The following IPP variants were observed in gnomAD, a reference collection of about 807,000 sequenced individuals.
The protein encoded by IPP is intracisternal A particle-promoted polypeptide, also known as actin-binding protein IPP.
In IPP, 41 loss-of-function variants were observed where a neutral mutation model predicts 64.1. That is an observed-to-expected ratio of 0.64 (90% CI 0.50 to 0.83). The LOEUF (loss-of-function observed/expected upper bound fraction) is 0.83. IPP is among the 40% of genes least tolerant of loss of function. IPP has a pLI of 0.00. For synonymous variants in IPP, 214 were observed against 235.2 expected (o/e 0.91, Z 0.83); for missense variants, 649 against 703.0 (o/e 0.92, Z 0.87).
In IPP at chr1:45,740,952, G is replaced by A; in HGVS notation, c.673C>T (p.Pro225Ser). The change falls in exon 3 of 9, where the codon CCA (proline) becomes TCA (serine). Residue 225 changes from proline to serine, a missense_variant. By Grantham distance (74) the Pro-to-Ser change is moderately conservative. Transcript: ENST00000396478. ...RRKHVVEVLD[P>S]IRFPLLPPQR... ...GGAGGTAATAAAGGGAATCGAATTG[G>A]GTCTAGCACTTCCACCACATGTTTT... 1.9e-6 allele frequency: 3 copies of A among 1,612,946 alleles called. No individual in the cohort carries two copies. The highest frequency in any genetic ancestry group is 2.5e-6 in the Non-Finnish European group (3 of 1,179,636).
At chr1:45,705,273 A>C (rs1645500874) in intron 8 of IPP, among the ~76,000 whole-genome samples, 1 of 152,256 alleles carries the variant, frequency 6.6e-6, no homozygotes, top group Non-Finnish European at 1.5e-5. Flanking sequence ...ACTGTCCTTC[A>C]CCAAAAGGAA....
intron 3 of IPP, among the ~76,000 whole-genome samples, chr1:45,739,740 T>G (rs373016853): frequency 6.6e-6 from 1 of 152,128 alleles, no homozygotes; most frequent in South Asian, 2.1e-4. Context: ...ATTTACAGGA[T>G]TCATTGAATT....
At chr1:45,740,435 G>A (rs574231658) in intron 3 of IPP, among the ~76,000 whole-genome samples, 11 of 152,190 alleles carry the variant, frequency 7.2e-5, no homozygotes, top group African/African-American at 2.4e-4. Flanking sequence ...GGACGGGGCG[G>A]CTGGCCGGGC....
intron 3 of IPP, among the ~76,000 whole-genome samples, chr1:45,735,619 C>CTT (rs1435572421): frequency 1.6e-5 from 2 of 129,018 alleles, no homozygotes; most frequent in Non-Finnish European, 1.6e-5. Context: ...CCAGACCTGG[C>CTT]TATTTTTTTT....
intron 3 of IPP, among the ~76,000 whole-genome samples, chr1:45,732,811 C>G (rs1464914186): frequency 6.6e-6 from 1 of 151,904 alleles, no homozygotes; most frequent in East Asian, 1.9e-4. Context: ...GGACTACAGG[C>G]ACCCACCCCC....
chr1:45,740,500 G>A (rs959673491), intron 3 of IPP, among the ~76,000 whole-genome samples: 1 of 152,118 alleles, frequency 6.6e-6, no homozygotes, highest in Admixed American at 6.5e-5. Context: ...CGGGCGGGGG[G>A]CTGACCCCCC....
At chr1:45,741,785 C>CAT (rs1646070490) in intron 2 of IPP, among the ~76,000 whole-genome samples, 1 of 126,752 alleles carries the variant, frequency 7.9e-6, no homozygotes, top group Non-Finnish European at 1.7e-5. Context: ...CCCGCCACTG[C>CAT]GCCCGGCTAA....
chr1:45,749,442 C>T (rs1646185986), intron 1 of IPP, among the ~76,000 whole-genome samples: 1 of 151,578 alleles, frequency 6.6e-6, no homozygotes, highest in African/African-American at 2.4e-5. Context: ...TGGCTCACAC[C>T]TATAACCCCA....
downstream of IPP, among the ~76,000 whole-genome samples, chr1:45,695,779 C>T (rs555067226): frequency 6.6e-6 from 1 of 152,108 alleles, no homozygotes; most frequent in South Asian, 2.1e-4. Flanking sequence ...AAGCGATTCT[C>T]CTGCCTCAGC....
At chr1:45,725,353 C>G (rs1416143371) in intron 5 of IPP, among the ~76,000 whole-genome samples, 3 of 147,322 alleles carry the variant, frequency 2.0e-5, no homozygotes, top group Non-Finnish European at 4.5e-5. Flanking sequence ...TGTCAGCCCC[C>G]CGCCCGGCCA....
rs1273442480 is a variant in IPP at position 45,698,978 on chromosome 1, C to G, written c.*988G>C. The G allele has an allele frequency of 5.6e-6, 5 of 895,092 alleles. No homozygotes were observed. Among genetic ancestry groups the G allele is most frequent in the Non-Finnish European group, 6.7e-6 (5 of 747,580 alleles). The allele number at this position is 895,092 out of a possible 1,614,324, so 55.4% of individuals were successfully genotyped here. On this transcript the variant is annotated 3_prime_UTR_variant, in exon 9 of 9. Transcript: ENST00000396478. ...TTCAAGCCATCTTCCCGTCTCACCT[C>G]GGCCTCTCAAAGTGCTGGGATTACA...
At chr1:45,724,042 G>C (rs1240306493) in intron 5 of IPP, among the ~76,000 whole-genome samples, 13 of 147,298 alleles carry the variant, frequency 8.8e-5, no homozygotes, top group Admixed American at 2.1e-4. Context: ...GCCAAAGCTG[G>C]ACTGTACTGC....
intron 5 of IPP, among the ~76,000 whole-genome samples, chr1:45,724,597 T>C (rs1645783030): frequency 7.2e-6 from 1 of 139,780 alleles, no homozygotes; most frequent in South Asian, 2.4e-4. Flanking sequence ...CGGCCGCCCA[T>C]CGTCTGAGAT....
Position 45,716,885 on chromosome 1 carries a change from A to C in IPP, c.1309+10T>G, listed in dbSNP as rs779950196. 3 of 1,593,290 alleles carry C rather than the reference A, an allele frequency of 1.9e-6. No individual in the cohort carries two copies. Among genetic ancestry groups the C allele is most frequent in the Non-Finnish European group, 2.6e-6 (3 of 1,172,368 alleles). ...ACATTTTGAGGAAAAATATTTTATA[A>C]AGTGATTACCTTGCATTTCACAGCA... On this transcript the variant is annotated intron_variant, in intron 7 of 8. Transcript: ENST00000396478.
chr1:45,698,383 C>A (rs1381029711), downstream of IPP, among the ~76,000 whole-genome samples: 1 of 152,160 alleles, frequency 6.6e-6, no homozygotes, highest in Non-Finnish European at 1.5e-5. Context: ...CCGCATCATA[C>A]ACCCAGTAAA....
At chr1:45,724,052 C>T (rs1435434771) in intron 5 of IPP, among the ~76,000 whole-genome samples, 1 of 150,566 alleles carries the variant, frequency 6.6e-6, no homozygotes, top group African/African-American at 2.4e-5. Flanking sequence ...GACTGTACTG[C>T]TGCCATCTCG....
At chr1:45,748,295 C>A (rs1646167952) in intron 1 of IPP, among the ~76,000 whole-genome samples, 2 of 151,966 alleles carry the variant, frequency 1.3e-5, no homozygotes, top group African/African-American at 4.8e-5. Context: ...TTATTATGTG[C>A]CAATTTAAAA....
chr1:45,740,993 T>C lies in IPP; in HGVS notation c.632A>G (p.Asp211Gly). 1 of 1,614,052 alleles carries C rather than the reference T, an allele frequency of 6.2e-7. No individual in the cohort carries two copies. Among genetic ancestry groups the C allele is most frequent in the Non-Finnish European group, 8.5e-7 (1 of 1,179,926 alleles). Reference protein sequence around the residue: ...FLAAMQWILKDLGKRRKHVVE... With the variant: ...FLAAMQWILKGLGKRRKHVVE... ...CACATGTTTTCTTCTTTTTCCCAAATCTTTCAGAATCCATTGCATTGCAGC... is the reference window on the plus strand; with the variant it reads ...CACATGTTTTCTTCTTTTTCCCAAACCTTTCAGAATCCATTGCATTGCAGC... The change falls in exon 3 of 9, where the codon GAT (aspartate) becomes GGT (glycine). Residue 211 changes from aspartate (D) to glycine (G), a missense_variant. Coordinates refer to ENST00000396478, the MANE Select transcript of IPP (RefSeq NM_005897.3).
rs1228900950 is a variant in IPP at position 45,741,329 on chromosome 1, A to G, written c.296T>C (p.Ile99Thr). The G allele has an allele frequency of 1.3e-6, 2 of 1,581,798 alleles. No individual in the cohort carries two copies. Among genetic ancestry groups the G allele is most frequent in the South Asian group, 2.3e-5 (2 of 86,742 alleles). ...GACATTATTCACACCTATGTTCACT[A>G]TACCTAGAGAAGTAGGAAGACAAAA... ...QILLDFIYTG[I>T]VNIGVNNVQE... Residue 99 changes from isoleucine to threonine, a missense_variant, in exon 3 of 9, where the codon ATA (isoleucine) becomes ACA (threonine). Physicochemically the swap from Ile to Thr is moderately conservative, Grantham distance 89. Transcript: ENST00000396478.
Sources: gnomAD v4.1 joint callset for allele counts (sites outside exome capture counted in the v4.1 genomes callset) on GRCh38, gnomAD v4.1.1 for gene constraint, MANE v1.5 for transcripts, NCBI Gene and HGNC (gene_info 2026-07-23, HGNC 2026-07-21) for gene names.